GRM8: variants seen among roughly 807,000 people sequenced by gnomAD.
The protein encoded by GRM8 is metabotropic glutamate receptor 8.
GRM8 carries 47 observed loss-of-function variants against 87.2 expected under a neutral mutation model. That is an observed-to-expected ratio of 0.54 (90% CI 0.43 to 0.69). The LOEUF is 0.69. GRM8 is among the 30% of genes least tolerant of loss of function. The pLI is 0.00. For missense variants in GRM8, 1,019 were observed against 1,139.2 expected, an observed-to-expected ratio of 0.89 and a Z score of 1.52; for synonymous variants, 396 against 404.5, an observed-to-expected ratio of 0.98 and a Z score of 0.25.
intron 2 of GRM8, among the ~76,000 whole-genome samples, chr7:127,112,677 G>A (rs924033064): frequency 2.0e-5 from 3 of 152,066 alleles, no homozygotes; most frequent in African/African-American, 7.2e-5. Context: ...TCAGCACAAG[G>A]CATCTGTTTT....
intron 8 of GRM8, among the ~76,000 whole-genome samples, chr7:126,562,544 A>T (rs1793817819): frequency 6.6e-6 from 1 of 152,216 alleles, no homozygotes; most frequent in Admixed American, 6.5e-5. Flanking sequence ...TTCAATGTGG[A>T]ATATAATCTA....
At chr7:126,480,005 C>T (rs763085320) in intron 9 of GRM8, among the ~76,000 whole-genome samples, 15 of 152,144 alleles carry the variant, frequency 9.9e-5, no homozygotes, top group South Asian at 2.1e-4. Context: ...CAGACTGTGA[C>T]GAATCAATCT....
intron 6 of GRM8, among the ~76,000 whole-genome samples, chr7:126,861,757 T>C (rs1402698721): frequency 1.3e-5 from 2 of 152,052 alleles, no homozygotes; most frequent in Non-Finnish European, 2.9e-5. Context: ...TTGGTTTTCA[T>C]TTCTTACTAA....
intron 2 of GRM8, among the ~76,000 whole-genome samples, chr7:127,233,819 C>G (rs1375955865): frequency 6.6e-6 from 1 of 152,208 alleles, no homozygotes; most frequent in Non-Finnish European, 1.5e-5. Context: ...ACAGCAGAGA[C>G]TGACCTCATT....
intron 2 of GRM8, among the ~76,000 whole-genome samples, chr7:127,157,227 G>C (rs1275560735): frequency 7.0e-6 from 1 of 143,770 alleles, no homozygotes; most frequent in Non-Finnish European, 1.5e-5. Context: ...GAAAGAAAAA[G>C]AAAGAAAAGA....
intron 3 of GRM8, among the ~76,000 whole-genome samples, chr7:127,091,440 C>G (rs1824067062): frequency 9.8e-6 from 1 of 101,852 alleles, no homozygotes; most frequent in Admixed American, 9.9e-5. Context: ...ATCCCCCCAC[C>G]ACCATCCCAC....
chr7:126,451,649 C>T (rs1429173563), intron 9 of GRM8, among the ~76,000 whole-genome samples: 2 of 151,804 alleles, frequency 1.3e-5, no homozygotes, highest in Non-Finnish European at 2.9e-5. Flanking sequence ...CAATGGTCCA[C>T]AAGATCCTCT....
chr7:126,558,948 G>A (rs59476566), intron 8 of GRM8, among the ~76,000 whole-genome samples: 3,677 of 152,204 alleles, frequency 0.024, 137 homozygotes, highest in African/African-American at 0.084. Flanking sequence ...AATCAAGCTA[G>A]GTGGAGCAAT....
At chr7:126,642,716 A>G (rs1802539221) in intron 7 of GRM8, among the ~76,000 whole-genome samples, 1 of 152,096 alleles carries the variant, frequency 6.6e-6, no homozygotes, top group South Asian at 2.1e-4. Context: ...TACACCAAAT[A>G]CGATAGAGAT....
chr7:127,032,591 C>G lies in GRM8; in HGVS notation c.727+73905G>C, dbSNP rs1257355654. The stretch of plus-strand genomic sequence containing the variant: ...TCATTTACTGTCTCAATTTGGGGTA[C>G]TTAAAAAATCAATAGCAATCTTAAT... On this transcript the variant is annotated intron_variant, in intron 3 of 10. Coordinates refer to ENST00000339582, the MANE Select transcript of GRM8 (RefSeq NM_000845.3). Among the ~76,000 whole-genome samples the G allele has an allele frequency of 2.0e-5, 3 of 152,114 alleles. No individual in the cohort carries two copies. The East Asian group carries it at 5.8e-4, about 29-fold the overall frequency.
At chr7:126,926,309 CTT>C (rs1197307887) in intron 3 of GRM8, among the ~76,000 whole-genome samples, 1 of 152,142 alleles carries the variant, frequency 6.6e-6, no homozygotes, top group Non-Finnish European at 1.5e-5. Flanking sequence ...GCAGCAATAT[CTT>C]TGATGGAGAC....
At chr7:126,806,205 TG>T (rs1792682732) in intron 6 of GRM8, among the ~76,000 whole-genome samples, 1 of 152,218 alleles carries the variant, frequency 6.6e-6, no homozygotes, top group East Asian at 1.9e-4. Context: ...GTGGTCTCGC[TG>T]ACTTCAGGAG....
At chr7:126,787,692 A>G (rs1285474635) in intron 6 of GRM8, among the ~76,000 whole-genome samples, 1 of 151,850 alleles carries the variant, frequency 6.6e-6, no homozygotes, top group East Asian at 1.9e-4. Flanking sequence ...ATTTGCTGTT[A>G]TGTTTCTGTT....
chr7:127,002,660 C>T (rs1206939832), intron 3 of GRM8, among the ~76,000 whole-genome samples: 1 of 151,582 alleles, frequency 6.6e-6, no homozygotes, highest in Non-Finnish European at 1.5e-5. Flanking sequence ...GCCTCCTTGA[C>T]CAGGACAGTC....
intron 2 of GRM8, among the ~76,000 whole-genome samples, chr7:127,169,914 A>G (rs1793688576): frequency 6.6e-6 from 1 of 152,204 alleles, no homozygotes; most frequent in Non-Finnish European, 1.5e-5. Context: ...TATTGTTCGT[A>G]GACAATGTAA....
intron 3 of GRM8, among the ~76,000 whole-genome samples, chr7:126,983,694 A>G (rs964414082): frequency 6.6e-5 from 10 of 152,206 alleles, no homozygotes; most frequent in African/African-American, 2.4e-4. Context: ...GAGATCCATT[A>G]GGGCATCTCT....
intron 6 of GRM8, 137 bp from the exon 7 acceptor site, chr7:126,770,202 CTTA>C: frequency 1.6e-6 from 1 of 621,024 alleles, no homozygotes; most frequent in Non-Finnish European, 2.8e-6. Flanking sequence ...TAATTCTATA[CTTA>C]CTGAGTCAGG....
intron 1 of GRM8, among the ~76,000 whole-genome samples, chr7:127,249,286 T>C (rs901425627): frequency 2.6e-5 from 4 of 152,210 alleles, no homozygotes; most frequent in African/African-American, 9.6e-5. Context: ...AGTGCCTTTG[T>C]TCTTTCATTA....
intron 3 of GRM8, among the ~76,000 whole-genome samples, chr7:126,919,765 C>T (rs557594062): frequency 6.6e-6 from 1 of 152,202 alleles, no homozygotes; most frequent in African/African-American, 2.4e-5. Context: ...TCTCCCTTCC[C>T]TTTCCCTTGT....
Sources: allele counts gnomAD v4.1 joint callset (sites outside exome capture counted in the v4.1 genomes callset), GRCh38; gene constraint gnomAD v4.1.1; transcripts MANE v1.5; gene names NCBI Gene and HGNC (gene_info 2026-07-23, HGNC 2026-07-21).